The following PSMB7 variants were observed in gnomAD, a reference collection of about 807,000 sequenced individuals.
PSMB7 encodes the protein proteasome 20S subunit beta 7, also known as proteasome subunit beta type-7.
Under a neutral mutation model 28.1 loss-of-function variants are expected in PSMB7, and 5 were observed. That is an observed-to-expected ratio of 0.18 (90% CI 0.09 to 0.37). The LOEUF is 0.37. Among genes scored for constraint, PSMB7 ranks in the 10% least tolerant of loss-of-function variants. The pLI, the probability that PSMB7 is intolerant of heterozygous loss-of-function variation, is 1.00. For synonymous variants in PSMB7, 122 were observed against 123.7 expected, an observed-to-expected ratio of 0.99 and a Z score of 0.09; for missense variants, 275 against 346.2, an observed-to-expected ratio of 0.79 and a Z score of 1.63.
At chr9:124,384,380 C>G (rs1210343872) in intron 6 of PSMB7, among the ~76,000 whole-genome samples, 2 of 152,196 alleles carry the variant, frequency 1.3e-5, no homozygotes, top group Admixed American at 1.3e-4. Flanking sequence ...GAGCAAAAAG[C>G]TGGATAGCGC....
chr9:124,376,108 G>GA (rs1261535308), intron 6 of PSMB7, among the ~76,000 whole-genome samples: 1 of 151,448 alleles, frequency 6.6e-6, no homozygotes, highest in Non-Finnish European at 1.5e-5. Context: ...TGGCAGTTGG[G>GA]AAAAAAAGAG....
chr9:124,385,897 T>A (rs1830713816), intron 5 of PSMB7, among the ~76,000 whole-genome samples: 1 of 152,118 alleles, frequency 6.6e-6, no homozygotes, highest in Non-Finnish European at 1.5e-5. Flanking sequence ...AGATCAAATT[T>A]AAAGGGTAGA....
intron 7 of PSMB7, among the ~76,000 whole-genome samples, chr9:124,354,838 C>A (rs1378009643): frequency 6.6e-6 from 1 of 152,230 alleles, no homozygotes; most frequent in African/African-American, 2.4e-5. Flanking sequence ...TCTGAACCAC[C>A]CCTCAGTGTC....
At chr9:124,397,273 A>G (rs1185396285) in intron 5 of PSMB7, among the ~76,000 whole-genome samples, 2 of 152,216 alleles carry the variant, frequency 1.3e-5, no homozygotes, top group Non-Finnish European at 2.9e-5. Flanking sequence ...CTACAGCTGG[A>G]TGAACGCTGC....
At chr9:124,393,235 C>G (rs1830808416) in intron 5 of PSMB7, among the ~76,000 whole-genome samples, 1 of 152,296 alleles carries the variant, frequency 6.6e-6, no homozygotes, top group African/African-American at 2.4e-5. Flanking sequence ...GTAAAACAGA[C>G]GCAGGCTTTA....
chr9:124,415,403 G>T lies in PSMB7; in HGVS notation c.23C>A (p.Ala8Asp), dbSNP rs1195747142. 1 of 1,614,152 alleles carries T rather than the reference G, an allele frequency of 6.2e-7. No homozygotes were observed. Among genetic ancestry groups the T allele is most frequent in the African/African-American group, 1.3e-5 (1 of 75,064 alleles). The change falls in exon 1 of 8, where the codon GCT becomes GAT. Residue 8 changes from alanine to aspartate, a missense_variant. Transcript: ENST00000259457. MAAVSVY[A>D]PPVGGFSFDN... ...AAAAGAGAAGCCTCCAACTGGTGGA[G>T]CATACACCGACACAGCCGCCATCTT...
At chr9:124,370,774 T>C (rs978854627) in intron 6 of PSMB7, among the ~76,000 whole-genome samples, 31 of 152,362 alleles carry the variant, frequency 2.0e-4, no homozygotes, top group African/African-American at 7.5e-4. Context: ...AACACCTAAA[T>C]GCCCTGCATT....
intron 4 of PSMB7, among the ~76,000 whole-genome samples, chr9:124,406,503 A>C (rs1020648827): frequency 6.6e-6 from 1 of 150,732 alleles, no homozygotes; most frequent in African/African-American, 2.4e-5. Context: ...GTCTCAAAAA[A>C]AAAAAAAAAA....
At chr9:124,415,225 CCT>C (rs1216392174) in intron 1 of PSMB7, 137 bp downstream of exon 1, 55 of 960,450 alleles carry the variant, frequency 5.7e-5, no homozygotes, top group Admixed American at 2.1e-4. Context: ...CCCTGATTCC[CCT>C]GAGTCACACT....
intron 6 of PSMB7, among the ~76,000 whole-genome samples, chr9:124,382,699 A>G (rs1830680704): frequency 6.6e-6 from 1 of 152,250 alleles, no homozygotes; most frequent in South Asian, 2.1e-4. Flanking sequence ...AACTGATCTA[A>G]GAAACATTCT....
chr9:124,357,916 G>A (rs532514522), intron 6 of PSMB7, among the ~76,000 whole-genome samples: 21 of 152,284 alleles, frequency 1.4e-4, no homozygotes, highest in East Asian at 3.9e-4. Flanking sequence ...GGCTGCACAC[G>A]AGGCACTCAG....
At chr9:124,413,230 A>G (rs1010058073) in intron 3 of PSMB7, among the ~76,000 whole-genome samples, 1 of 151,370 alleles carries the variant, frequency 6.6e-6, no homozygotes, top group Non-Finnish European at 1.5e-5. Context: ...TGGAATAAAA[A>G]CACTCTACAA....
chr9:124,388,714 C>A (rs1404682869), intron 5 of PSMB7, among the ~76,000 whole-genome samples: 1 of 152,184 alleles, frequency 6.6e-6, no homozygotes, highest in African/African-American at 2.4e-5. Flanking sequence ...CATACACACC[C>A]CTGATACTCC....
At chr9:124,410,509 G>A (rs1831018203) in intron 4 of PSMB7, among the ~76,000 whole-genome samples, 1 of 152,184 alleles carries the variant, frequency 6.6e-6, no homozygotes, top group Non-Finnish European at 1.5e-5. Context: ...CAAGCCACCA[G>A]AGGGAGCTTT....
intron 5 of PSMB7, among the ~76,000 whole-genome samples, chr9:124,390,205 G>C (rs1438385738): frequency 6.6e-6 from 1 of 152,216 alleles, no homozygotes; most frequent in Non-Finnish European, 1.5e-5. Context: ...TAATAGTGCT[G>C]ACAAAGGTGT....
In PSMB7 at chr9:124,412,389, C is replaced by A. The variant is rs1479186710; in HGVS notation, c.358G>T (p.Val120Leu). ...SLSTGRLPRV[V>L]TANRMLKQML... ...TGCTTCAGCATCCGATTGGCTGTCA[C>A]AACTCTGGGAAGACGGCCAGTGGAG... is the stretch of plus-strand genomic sequence containing the variant. Residue 120 changes from valine (V) to leucine (L), a missense_variant, in exon 4 of 8, where the codon GTG (valine) becomes TTG (leucine). Physicochemically the swap from Val to Leu is conservative, Grantham distance 32. Around this residue, in one of 2 missense-constraint regions of PSMB7, gnomAD observed 213 missense variants for 302.4 expected, o/e 0.70. Transcript: ENST00000259457. The A allele has an allele frequency of 1.2e-6, 2 of 1,614,006 alleles. No individual in the cohort carries two copies. Among genetic ancestry groups the A allele is most frequent in the Non-Finnish European group, 1.7e-6 (2 of 1,179,998 alleles).
In PSMB7 at chr9:124,398,902, C is replaced by T. The variant is rs1020321086; in HGVS notation, c.511+6415G>A. On this transcript the variant is annotated intron_variant, in intron 5 of 7. Coordinates refer to ENST00000259457, the MANE Select transcript of PSMB7 (RefSeq NM_002799.4). Reference sequence around the variant, plus strand: ...CAGTAAAATAGCAATAATAGCATCCCTTACACTGAATTTTAACTGAAAATA... The same window carrying T: ...CAGTAAAATAGCAATAATAGCATCCTTTACACTGAATTTTAACTGAAAATA... Among the ~76,000 whole-genome samples, 27 of 152,038 alleles carry T rather than the reference C, an allele frequency of 1.8e-4. 3 individuals carry two copies. Among genetic ancestry groups the T allele is most frequent in the Admixed American group, 1.0e-3 (16 of 15,264 alleles).
At chr9:124,405,478 G>A in intron 4 of PSMB7, 46 bp from the exon 5 acceptor site, 2 of 1,351,310 alleles carry the variant, frequency 1.5e-6, no homozygotes, top group East Asian at 2.3e-5. Context: ...AGTCCACAAA[G>A]CATCACTGTA....
chr9:124,415,358 C>A lies in PSMB7; in HGVS notation c.62+6G>T. ...TCCCTGAACCAAGCCCCAAGCAAGG[C>A]GGCACCTGCGGCAGTTATCAAAAGA... On this transcript the variant is annotated splice_donor_region_variant and intron_variant, in intron 1 of 7. Coordinates refer to ENST00000259457, the MANE Select transcript of PSMB7 (RefSeq NM_002799.4). The A allele has an allele frequency of 1.2e-6, 2 of 1,613,796 alleles. No individual in the cohort carries two copies. The highest frequency in any genetic ancestry group is 1.7e-6 in the Non-Finnish European group (2 of 1,179,876).
Sources: gnomAD v4.1 joint callset for allele counts (sites outside exome capture counted in the v4.1 genomes callset) on GRCh38, gnomAD v4.1.1 for gene constraint, gnomAD v4.1.1 regional missense constraint, MANE v1.5 for transcripts, NCBI Gene and HGNC (gene_info 2026-07-23, HGNC 2026-07-21) for gene names.